TAFA2: variants seen among roughly 807,000 people sequenced by gnomAD.
TAFA2 encodes the protein chemokine-like protein TAFA-2.
TAFA2 carries 7 observed loss-of-function variants against 18.8 expected under a neutral mutation model. The observed-to-expected ratio is 0.37, with a 90% CI of 0.21 to 0.70. The LOEUF is 0.70. Ranked by LOEUF, TAFA2 falls within the 30% of genes least tolerant of loss-of-function variation. The pLI, the probability that TAFA2 is intolerant of heterozygous loss-of-function variation, is 0.53. For synonymous variants in TAFA2, 60 were observed against 54.2 expected (o/e 1.11, Z -0.47); for missense variants, 122 against 158.1 (o/e 0.77, Z 1.23).
intron 4 of TAFA2, among the ~76,000 whole-genome samples, chr12:61,745,621 G>A (rs193064081): frequency 3.2e-4 from 49 of 152,048 alleles, no homozygotes; most frequent in African/African-American, 1.2e-3. Flanking sequence ...TACTTATTTT[G>A]TTTATTTTTT....
At chr12:61,746,764 T>C (rs1250489530) in intron 4 of TAFA2, among the ~76,000 whole-genome samples, 1 of 152,156 alleles carries the variant, frequency 6.6e-6, no homozygotes, top group Non-Finnish European at 1.5e-5. Flanking sequence ...TTGTTTTGTT[T>C]TGTTTTCAGT....
intron 1 of TAFA2, among the ~76,000 whole-genome samples, chr12:62,241,986 T>C (rs1298251202): frequency 6.6e-6 from 1 of 152,216 alleles, no homozygotes; most frequent in Non-Finnish European, 1.5e-5. Flanking sequence ...GAGTTCATAC[T>C]GAGCAGTGAA....
At chr12:61,794,074 A>G (rs912053205) in intron 2 of TAFA2, among the ~76,000 whole-genome samples, 1 of 151,994 alleles carries the variant, frequency 6.6e-6, no homozygotes, top group African/African-American at 2.4e-5. Flanking sequence ...AAGCATATCT[A>G]TGGAAAATCT....
Position 61,741,399 on chromosome 12 carries a change from A to G in TAFA2, c.384+12223T>C, listed in dbSNP as rs139232843. On this transcript the variant is annotated intron_variant, in intron 4 of 4. Coordinates refer to ENST00000416284, the MANE Select transcript of TAFA2 (RefSeq NM_178539.5). ...TGTATGAAGATAGTCTAGTTGAGAAAGCATTTTATTGAATTTTGTTCTATT... is the reference window on the plus strand; with the variant it reads ...TGTATGAAGATAGTCTAGTTGAGAAGGCATTTTATTGAATTTTGTTCTATT... Among the ~76,000 whole-genome samples the G allele has an allele frequency of 8.8e-3, 1,344 of 152,082 alleles. 11 individuals are homozygous for G. Among genetic ancestry groups the G allele is most frequent in the Middle Eastern group, 0.031 (9 of 294 alleles).
At chr12:62,036,651 G>A (rs895731773) in intron 1 of TAFA2, among the ~76,000 whole-genome samples, 1 of 152,184 alleles carries the variant, frequency 6.6e-6, no homozygotes, top group African/African-American at 2.4e-5. Context: ...GGGAGAAGGT[G>A]AGAATAAATT....
At chr12:61,773,913 A>G (rs981388321) in intron 2 of TAFA2, among the ~76,000 whole-genome samples, 8 of 151,868 alleles carry the variant, frequency 5.3e-5, no homozygotes, top group African/African-American at 1.9e-4. Context: ...GAGTTGACAG[A>G]CAACCCACAG....
intron 4 of TAFA2, among the ~76,000 whole-genome samples, chr12:61,719,376 C>G (rs1002988476): frequency 6.6e-6 from 1 of 152,320 alleles, no homozygotes; most frequent in African/African-American, 2.4e-5. Flanking sequence ...CAGATAACAT[C>G]ACTGTTGTAG....
intron 1 of TAFA2, among the ~76,000 whole-genome samples, chr12:62,246,559 A>G (rs903518272): frequency 6.6e-6 from 1 of 152,148 alleles, no homozygotes; most frequent in African/African-American, 2.4e-5. Context: ...TATCTTTACT[A>G]ATTTTTGCTT....
rs529062037 is a variant in TAFA2, at chr12:61,750,787, C to T, written c.384+2835G>A. 2.0e-5 allele frequency among the ~76,000 whole-genome samples: 3 copies of T among 152,126 alleles called. No homozygotes were observed. In the South Asian group the frequency reaches 6.2e-4, roughly 31 times the overall value. Reference sequence around the variant, plus strand: ...ATTATTGCATATTTTAATTATTTCTCAAGCCATTTTGCTTGCAGTGATAAT... The same window carrying T: ...ATTATTGCATATTTTAATTATTTCTTAAGCCATTTTGCTTGCAGTGATAAT... On this transcript the variant is annotated intron_variant, in intron 4 of 4. Transcript: ENST00000416284.
chr12:62,074,690 C>G (rs907792186), intron 1 of TAFA2, among the ~76,000 whole-genome samples: 1 of 141,834 alleles, frequency 7.1e-6, no homozygotes, highest in Non-Finnish European at 1.5e-5. Context: ...ATCCTTCTAA[C>G]TACATGAATT....
At chr12:61,711,831 GGAAA>G (rs1869423581) in intron 4 of TAFA2, among the ~76,000 whole-genome samples, 1 of 151,860 alleles carries the variant, frequency 6.6e-6, no homozygotes, top group Non-Finnish European at 1.5e-5. Flanking sequence ...ATGGAGGGTT[GGAAA>G]CACATGAAGA....
At chr12:62,095,622 AG>A (rs1278877083) in intron 1 of TAFA2, among the ~76,000 whole-genome samples, 1 of 152,144 alleles carries the variant, frequency 6.6e-6, no homozygotes, top group Non-Finnish European at 1.5e-5. Context: ...ATGGTTAAAA[AG>A]CAAAAGGCCC....
intron 1 of TAFA2, among the ~76,000 whole-genome samples, chr12:62,190,415 C>T (rs978281237): frequency 6.6e-6 from 1 of 152,140 alleles, no homozygotes; most frequent in East Asian, 1.9e-4. Flanking sequence ...AGGCACCTGG[C>T]CTTTCAGAAT....
chr12:62,074,405 G>A (rs796245017), intron 1 of TAFA2, among the ~76,000 whole-genome samples: 4 of 152,234 alleles, frequency 2.6e-5, no homozygotes, highest in African/African-American at 9.6e-5. Context: ...AATCTCTACT[G>A]CAATTTAATT....
intron 1 of TAFA2, among the ~76,000 whole-genome samples, chr12:62,017,480 T>C (rs140261730): frequency 6.6e-6 from 1 of 152,232 alleles, no homozygotes. Flanking sequence ...TATGACACAA[T>C]TTTGGTCATT....
At chr12:62,119,231 C>A (rs1178238969) in intron 1 of TAFA2, among the ~76,000 whole-genome samples, 1 of 152,012 alleles carries the variant, frequency 6.6e-6, no homozygotes, top group Non-Finnish European at 1.5e-5. Flanking sequence ...AAAAAACACT[C>A]CCAAATTTTA....
rs1344307374 is a variant in TAFA2 at position 62,104,171 on chromosome 12, TTTA to T, written c.-2+87085_-2+87087del. 4.6e-5 allele frequency among the ~76,000 whole-genome samples: 7 copies of T among 152,148 alleles called. No individual in the cohort carries two copies. The East Asian group carries it at 1.3e-3, about 29-fold the overall frequency. On this transcript the variant is annotated intron_variant, in intron 1 of 4. Transcript: ENST00000416284. ...CCTAAATATAGCTTGTTTGAGGGAA[TTTA>T]TTGAGTAATAATTAAAAGGAAAAGT... is the stretch of plus-strand genomic sequence containing the variant.
chr12:62,188,178 G>A (rs1168686127), intron 1 of TAFA2, among the ~76,000 whole-genome samples: 1 of 152,116 alleles, frequency 6.6e-6, no homozygotes, highest in African/African-American at 2.4e-5. Flanking sequence ...GCAAATGTCA[G>A]GCATAGATCA....
chr12:61,821,166 A>ACACAT (rs1313957044), intron 2 of TAFA2, among the ~76,000 whole-genome samples: 334 of 120,660 alleles, frequency 2.8e-3, no homozygotes, highest in Non-Finnish European at 4.8e-3. Flanking sequence ...CACACACACA[A>ACACAT]TTATTTGGAG....
Sources: allele counts gnomAD v4.1 joint callset (sites outside exome capture counted in the v4.1 genomes callset), GRCh38; gene constraint gnomAD v4.1.1; transcripts MANE v1.5; gene names NCBI Gene and HGNC (gene_info 2026-07-23, HGNC 2026-07-21).